The following UGT1A7 variants were observed in gnomAD, a reference collection of about 807,000 sequenced individuals.
UGT1A7 encodes UDP-glucuronosyltransferase 1A7.
In UGT1A7, 33 loss-of-function variants were observed where a neutral mutation model predicts 45.6. The observed-to-expected ratio is 0.72, with a 90% CI of 0.55 to 0.97. The LOEUF (loss-of-function observed/expected upper bound fraction) is 0.97. Ranked by LOEUF, UGT1A7 falls within the 50% of genes least tolerant of loss-of-function variation. UGT1A7 has a pLI of 0.00. For synonymous variants in UGT1A7, 274 were observed against 250.6 expected, an observed-to-expected ratio of 1.09 and a Z score of -0.88; for missense variants, 684 against 666.2, an observed-to-expected ratio of 1.03 and a Z score of -0.29.
intron 1 of UGT1A7, among the ~76,000 whole-genome samples, chr2:233,763,677 A>G (rs934617457): frequency 6.6e-6 from 1 of 152,232 alleles, no homozygotes; most frequent in Non-Finnish European, 1.5e-5. Flanking sequence ...AACTTTAAGA[A>G]TAAAGATAAA....
rs1326860704 is a variant in UGT1A7 at position 233,769,636 on chromosome 2, G to A, written c.1295+1197G>A. ...AGCTTGAGCAAGGGACAACAGGGGA[G>A]GACTGATGACTGACTTCCCACCTTT... On this transcript the variant is annotated intron_variant, in intron 4 of 4. Coordinates refer to ENST00000373426, the MANE Select transcript of UGT1A7 (RefSeq NM_019077.3). This position sits in a 1 kb window ranked among gnomAD's most constrained non-coding sequence, Gnocchi z 4.4. 6.8e-6 allele frequency: 11 copies of A among 1,610,668 alleles called. No homozygotes were observed. Among genetic ancestry groups the A allele is most frequent in the Non-Finnish European group, 8.5e-6 (10 of 1,178,970 alleles).
At chr2:233,744,714 G>C (rs1253738430) in intron 1 of UGT1A7, among the ~76,000 whole-genome samples, 4 of 151,880 alleles carry the variant, frequency 2.6e-5, no homozygotes, top group Non-Finnish European at 5.9e-5. Context: ...ACACTTGTGA[G>C]AGAATGACGG....
intron 1 of UGT1A7, among the ~76,000 whole-genome samples, chr2:233,753,843 T>A (rs529676681): frequency 6.6e-6 from 1 of 152,338 alleles, no homozygotes; most frequent in South Asian, 2.1e-4. Flanking sequence ...TCCTAGTATA[T>A]CATTGACCAA....
intron 1 of UGT1A7, among the ~76,000 whole-genome samples, chr2:233,707,198 T>C (rs2075948022): frequency 1.3e-5 from 2 of 152,230 alleles, no homozygotes; most frequent in African/African-American, 4.8e-5. Context: ...CTCCGTTCTA[T>C]TCCCTTTCCA....
At chr2:233,747,937 A>G in intron 1 of UGT1A7, 1 of 1,613,182 alleles carries the variant, frequency 6.2e-7, no homozygotes, top group Non-Finnish European at 8.5e-7. Context: ...TTTCAGAGGG[A>G]GGTGTCAGTG....
At chr2:233,729,387 T>G (rs1242626622) in intron 1 of UGT1A7, 1 of 1,613,946 alleles carries the variant, frequency 6.2e-7, no homozygotes, top group Non-Finnish European at 8.5e-7. Context: ...GGACCCAGGA[T>G]GAATTTGATC....
chr2:233,704,016 G>A (rs1353580305), intron 1 of UGT1A7, among the ~76,000 whole-genome samples: 1 of 151,762 alleles, frequency 6.6e-6, no homozygotes. Context: ...TCAGCCGCCC[G>A]AGCAGCTGGA....
chr2:233,744,546 A>G (rs6741669), intron 1 of UGT1A7, among the ~76,000 whole-genome samples: 82,767 of 151,282 alleles, frequency 0.55, 24,843 homozygotes, highest in African/African-American at 0.8. Flanking sequence ...AAATTTTATT[A>G]AGACAAAATG....
At chr2:233,740,525 C>G (rs1027411226) in intron 1 of UGT1A7, among the ~76,000 whole-genome samples, 1 of 151,910 alleles carries the variant, frequency 6.6e-6, no homozygotes, top group Non-Finnish European at 1.5e-5. Context: ...GAACTAAAAT[C>G]AGCTGTGTTG....
intron 1 of UGT1A7, chr2:233,743,878 C>G (rs1692563278): frequency 7.3e-7 from 1 of 1,367,158 alleles, no homozygotes; most frequent in Non-Finnish European, 9.8e-7. Context: ...CGGATGAGGC[C>G]TGCCGGGGCA....
At chr2:233,731,044 G>A (rs190874066) in intron 1 of UGT1A7, among the ~76,000 whole-genome samples, 22 of 152,218 alleles carry the variant, frequency 1.4e-4, no homozygotes, top group African/African-American at 3.4e-4. Context: ...CATATTCACC[G>A]AATGTGTATG....
intron 1 of UGT1A7, among the ~76,000 whole-genome samples, chr2:233,717,094 ACTAT>A (rs2076547098): frequency 6.6e-6 from 1 of 152,186 alleles, no homozygotes; most frequent in Admixed American, 6.5e-5. Flanking sequence ...AGATGACATC[ACTAT>A]CTAAATAAAA....
At chr2:233,755,225 C>G (rs563873154) in intron 1 of UGT1A7, 4 of 974,952 alleles carry the variant, frequency 4.1e-6, no homozygotes, top group Non-Finnish European at 6.0e-6. Flanking sequence ...TACCCTCGGA[C>G]GAGGCCTACC....
At chr2:233,728,855 A>C (rs900192312) in intron 1 of UGT1A7, among the ~76,000 whole-genome samples, 5 of 152,210 alleles carry the variant, frequency 3.3e-5, no homozygotes, top group African/African-American at 1.2e-4. Flanking sequence ...ATTGGATGAG[A>C]AACAAGAGCT....
chr2:233,736,950 T>C (rs2078828860), intron 1 of UGT1A7, among the ~76,000 whole-genome samples: 1 of 152,182 alleles, frequency 6.6e-6, no homozygotes, highest in Non-Finnish European at 1.5e-5. Context: ...AGGTGTCTGT[T>C]GGCCCCTACT....
intron 1 of UGT1A7, chr2:233,718,998 G>A: frequency 1.9e-6 from 3 of 1,614,266 alleles, no homozygotes; most frequent in Non-Finnish European, 2.5e-6. Flanking sequence ...CCAGGCGGTG[G>A]TCCTCACCCC....
intron 1 of UGT1A7, among the ~76,000 whole-genome samples, chr2:233,716,722 T>A (rs1048158654): frequency 6.6e-5 from 10 of 152,206 alleles, no homozygotes; most frequent in African/African-American, 2.2e-4. Context: ...AGTTCCAGTT[T>A]ATATGTTTAG....
intron 1 of UGT1A7, 92 bp downstream of exon 1, chr2:233,682,884 T>C (rs1375175448): frequency 6.6e-7 from 1 of 1,512,312 alleles, no homozygotes; most frequent in Non-Finnish European, 8.8e-7. Flanking sequence ...TTTACATTTG[T>C]CCCATTTGGA....
intron 1 of UGT1A7, chr2:233,692,803 T>G: frequency 3.6e-6 from 5 of 1,389,766 alleles, no homozygotes; most frequent in East Asian, 5.5e-5. Flanking sequence ...GACACGGCCA[T>G]AGTTGGTTCA....
Sources: allele counts gnomAD v4.1 joint callset (sites outside exome capture counted in the v4.1 genomes callset), GRCh38; gene constraint gnomAD v4.1.1; non-coding constraint Gnocchi (gnomAD v3.1); transcripts MANE v1.5; gene names NCBI Gene and HGNC (gene_info 2026-07-23, HGNC 2026-07-21).